Variants in FAM171B observed in about 807,000 individuals in gnomAD.
FAM171B encodes the protein protein FAM171B.
In FAM171B, 19 loss-of-function variants were observed where a neutral mutation model predicts 75.6. The ratio of observed to expected loss-of-function variants is 0.25; its 90% CI spans 0.18 to 0.37. The LOEUF (loss-of-function observed/expected upper bound fraction) is 0.37. FAM171B is among the 10% of genes least tolerant of loss of function. The probability of loss-of-function intolerance (pLI) is 1.00; values close to 1 mark genes in which losing one functional copy is unlikely to be tolerated. For missense variants in FAM171B, 848 were observed against 982.4 expected (o/e 0.86, Z 1.83); for synonymous variants, 367 against 361.7 (o/e 1.01, Z -0.17).
intron 2 of FAM171B, among the ~76,000 whole-genome samples, chr2:186,742,529 ATTTTAC>A (rs1319492379): frequency 6.6e-6 from 1 of 152,132 alleles, no homozygotes; most frequent in Non-Finnish European, 1.5e-5. Flanking sequence ...TACTTTTTGT[ATTTTAC>A]TTTTTTCCAT....
intron 2 of FAM171B, 146 bp downstream of exon 2, chr2:186,740,607 A>G (rs1690276420): frequency 4.5e-6 from 3 of 672,752 alleles, no homozygotes; most frequent in Non-Finnish European, 5.0e-6. Flanking sequence ...TGCTACTTTG[A>G]AGAAAACATT....
chr2:186,701,998 T>G (rs1405050922), intron 1 of FAM171B, among the ~76,000 whole-genome samples: 1 of 152,254 alleles, frequency 6.6e-6, no homozygotes, highest in Non-Finnish European at 1.5e-5. Flanking sequence ...ATACACTATT[T>G]TGTATGTGCT....
intron 1 of FAM171B, among the ~76,000 whole-genome samples, chr2:186,738,100 G>T (rs78112617): frequency 0.013 from 1,968 of 152,348 alleles, 38 homozygotes; most frequent in African/African-American, 0.043. Context: ...CCCAAGGGAT[G>T]TTACAGCTCT....
At chr2:186,730,343 T>C (rs1690096691) in intron 1 of FAM171B, among the ~76,000 whole-genome samples, 3 of 152,222 alleles carry the variant, frequency 2.0e-5, no homozygotes, top group Admixed American at 2.0e-4. Flanking sequence ...TTGGACAATA[T>C]GTGTAAAGTT....
In FAM171B at chr2:186,764,019, T is replaced by G. The variant is rs1690662872; in HGVS notation, c.*1196T>G. On this transcript the variant is annotated 3_prime_UTR_variant, in exon 8 of 8. Transcript: ENST00000304698. ...TGTAAGTAATATATCTATGTTCTTT[T>G]CATTATAGCAAGCATTCAATGTGAA... The G allele has an allele frequency of 6.6e-6, 1 of 152,128 alleles. No homozygotes were observed. 9.4% of individuals were successfully genotyped at this position (152,128 alleles called of 1,614,324 possible).
chr2:186,733,656 G>A (rs1661215224), intron 1 of FAM171B, among the ~76,000 whole-genome samples: 1 of 152,192 alleles, frequency 6.6e-6, no homozygotes, highest in Admixed American at 6.5e-5. Context: ...GAGTGTGGGT[G>A]AGTGGGGGGT....
At chr2:186,723,443 C>CCTTATGTCT (rs1183840662) in intron 1 of FAM171B, among the ~76,000 whole-genome samples, 4 of 151,670 alleles carry the variant, frequency 2.6e-5, no homozygotes, top group African/African-American at 7.3e-5. Context: ...AGACTTTCCC[C>CCTTATGTCT]CTTATGTCTT....
At chr2:186,697,050 G>A (rs1193164347) in intron 1 of FAM171B, among the ~76,000 whole-genome samples, 2 of 152,066 alleles carry the variant, frequency 1.3e-5, no homozygotes, top group Non-Finnish European at 2.9e-5. Flanking sequence ...ATGAATGAAT[G>A]AATGAATTCA....
intron 6 of FAM171B, among the ~76,000 whole-genome samples, chr2:186,758,114 G>C (rs1164783684): frequency 6.9e-6 from 1 of 144,596 alleles, no homozygotes. Flanking sequence ...CAATAGTGTG[G>C]TATAGCGAAA....
At position 186,721,856 on chromosome 2, in the gene FAM171B, C is replaced by T. The variant is rs544285683; in HGVS notation, c.239-18372C>T. 1.2e-4 allele frequency among the ~76,000 whole-genome samples: 18 copies of T among 146,666 alleles called. 1 individual carries two copies. The South Asian group carries it at 3.7e-3, about 30-fold the overall frequency. On this transcript the variant is annotated intron_variant, in intron 1 of 7. Transcript: ENST00000304698. ...CAGTGTCTCAGTAGTATTTTGGTAA[C>T]AAGACAACTTGATGTCTAACTTAGT...
intron 1 of FAM171B, chr2:186,695,379 A>G (rs1313856496): frequency 2.0e-5 from 3 of 152,120 alleles, no homozygotes; most frequent in Admixed American, 2.0e-4. Flanking sequence ...TGCTATTTGG[A>G]AAGAAAAAAA....
chr2:186,737,173 G>T (rs913452447), intron 1 of FAM171B, among the ~76,000 whole-genome samples: 4 of 152,172 alleles, frequency 2.6e-5, no homozygotes, highest in Non-Finnish European at 4.4e-5. Flanking sequence ...TCCAGAACCC[G>T]TTTACAGGGG....
chr2:186,735,726 A>G (rs1182198029), intron 1 of FAM171B, among the ~76,000 whole-genome samples: 1 of 152,234 alleles, frequency 6.6e-6, no homozygotes, highest in Non-Finnish European at 1.5e-5. Context: ...TAATTTTCAT[A>G]AAGGCAATCT....
At chr2:186,705,833 G>C (rs1012073031) in intron 1 of FAM171B, among the ~76,000 whole-genome samples, 5 of 152,128 alleles carry the variant, frequency 3.3e-5, no homozygotes, top group Admixed American at 2.0e-4. Flanking sequence ...TTCAGCATTA[G>C]TTTCTCCATT....
chr2:186,699,778 C>T (rs184569817), intron 1 of FAM171B, among the ~76,000 whole-genome samples: 40 of 152,124 alleles, frequency 2.6e-4, no homozygotes, highest in Admixed American at 4.6e-4. Flanking sequence ...AATCTTTAAT[C>T]CATTTTGATT....
At chr2:186,758,730 A>C (rs570159137) in intron 6 of FAM171B, among the ~76,000 whole-genome samples, 233 of 152,184 alleles carry the variant, frequency 1.5e-3, no homozygotes, top group African/African-American at 5.3e-3. Flanking sequence ...TCTGGGGTAC[A>C]TGAGCTATTT....
intron 1 of FAM171B, among the ~76,000 whole-genome samples, chr2:186,720,802 C>T (rs1185528345): frequency 2.7e-5 from 4 of 150,874 alleles, no homozygotes; most frequent in East Asian, 2.0e-4. Context: ...ATTTCTAATA[C>T]GGGAAGGACA....
chr2:186,744,545 G>A (rs1441683313), intron 3 of FAM171B, among the ~76,000 whole-genome samples: 1 of 152,006 alleles, frequency 6.6e-6, no homozygotes, highest in Admixed American at 6.6e-5. Context: ...TTTTATCTTT[G>A]AGACAGAGTT....
In FAM171B at chr2:186,762,259, G is replaced by A. The variant is rs750763364; in HGVS notation, c.1917G>A (p.Glu639=). The part of the protein sequence containing the change: ...ESVSVPGTLN[E]AVVMTPFSSE... ...TCTCTGTTCCTGGAACACTAAATGA[G>A]GCTGTTGTAATGACTCCATTTTCAT... Residue 639 remains glutamate, a synonymous_variant, in exon 8 of 8, where the codon GAG becomes GAA. Coordinates refer to ENST00000304698, the MANE Select transcript of FAM171B (RefSeq NM_177454.4). This position sits in a 1 kb window ranked among gnomAD's most constrained non-coding sequence, Gnocchi z 4.0. 1.9e-6 allele frequency: 3 copies of A among 1,613,652 alleles called. No homozygotes were observed. Among genetic ancestry groups the A allele is most frequent in the Non-Finnish European group, 1.7e-6 (2 of 1,179,780 alleles).
Sources: allele counts gnomAD v4.1 joint callset (sites outside exome capture counted in the v4.1 genomes callset), GRCh38; gene constraint gnomAD v4.1.1; non-coding constraint Gnocchi (gnomAD v3.1); transcripts MANE v1.5; gene names NCBI Gene and HGNC (gene_info 2026-07-23, HGNC 2026-07-21).